The following ENTREP2 variants were observed in gnomAD, a reference collection of about 807,000 sequenced individuals.
ENTREP2 encodes protein ENTREP2.
At chr15:29,427,254 A>G in the ENTREP2 span, among the ~76,000 whole-genome samples, 1 of 152,130 alleles carries the variant, frequency 6.6e-6, no homozygotes, top group African/African-American at 2.4e-5. Context: ...AGTGAGAGCA[A>G]TGATTTCCTC....
chr15:29,573,259 A>G, the ENTREP2 span, among the ~76,000 whole-genome samples: 2 of 152,184 alleles, frequency 1.3e-5, no homozygotes, highest in Non-Finnish European at 2.9e-5. Flanking sequence ...TTTCGTTTGC[A>G]TCCAAAGGGA....
the ENTREP2 span, among the ~76,000 whole-genome samples, chr15:29,206,280 C>T: frequency 2.0e-5 from 3 of 152,142 alleles, no homozygotes; most frequent in South Asian, 6.2e-4. Flanking sequence ...TATAAAGGCA[C>T]TAACCCACTC....
chr15:29,571,118 G>GGGAGCC, the ENTREP2 span, among the ~76,000 whole-genome samples: 2 of 151,400 alleles, frequency 1.3e-5, no homozygotes, highest in Non-Finnish European at 3.0e-5. Flanking sequence ...GGGCGGGAGC[G>GGGAGCC]GGAGCCGGGA....
the ENTREP2 span, among the ~76,000 whole-genome samples, chr15:29,127,007 G>A: frequency 2.0e-5 from 3 of 152,178 alleles, no homozygotes; most frequent in South Asian, 2.1e-4. Context: ...CAGCAGCCTT[G>A]CCCTGGGAAC....
At chr15:29,173,128 G>A in the ENTREP2 span, among the ~76,000 whole-genome samples, 498 of 152,156 alleles carry the variant, frequency 3.3e-3, 3 homozygotes, top group African/African-American at 0.011. Context: ...CCAGTCCCCC[G>A]CCCAGGGAAG....
chr15:29,241,459 A>G, the ENTREP2 span, among the ~76,000 whole-genome samples: 1 of 152,206 alleles, frequency 6.6e-6, no homozygotes, highest in African/African-American at 2.4e-5. Flanking sequence ...TCATAAAGCA[A>G]TTGCCTGTGT....
chr15:29,526,061 T>A, the ENTREP2 span, among the ~76,000 whole-genome samples: 1 of 152,204 alleles, frequency 6.6e-6, no homozygotes, highest in East Asian at 1.9e-4. Flanking sequence ...AGATTTAATA[T>A]GCTATGGCAG....
the ENTREP2 span, among the ~76,000 whole-genome samples, chr15:29,478,270 G>T: frequency 4.0e-5 from 6 of 151,792 alleles, no homozygotes; most frequent in Non-Finnish European, 7.4e-5. Flanking sequence ...CTCGTGATCC[G>T]CCTGCCTTGG....
chr15:29,258,226 A>G, the ENTREP2 span, among the ~76,000 whole-genome samples: 58 of 136,168 alleles, frequency 4.3e-4, no homozygotes, highest in Non-Finnish European at 6.0e-4. Flanking sequence ...AAAAAAAAAA[A>G]AAAAAAAGAA....
chr15:29,425,085 G>A, the ENTREP2 span, among the ~76,000 whole-genome samples: 5 of 152,096 alleles, frequency 3.3e-5, no homozygotes, highest in South Asian at 2.1e-4. Flanking sequence ...CTGGAGTGCA[G>A]TGGCATGATC....
At chr15:29,201,412 T>C in the ENTREP2 span, among the ~76,000 whole-genome samples, 1 of 152,246 alleles carries the variant, frequency 6.6e-6, no homozygotes, top group South Asian at 2.1e-4. Flanking sequence ...GTAGGTCTTT[T>C]GTAGATGCTC....
chr15:29,259,481 G>C, the ENTREP2 span, among the ~76,000 whole-genome samples: 1 of 152,168 alleles, frequency 6.6e-6, no homozygotes, highest in Non-Finnish European at 1.5e-5. Flanking sequence ...AGTTCCAGCC[G>C]ACACTTGAAG....
the ENTREP2 span, among the ~76,000 whole-genome samples, chr15:29,571,966 G>C: frequency 6.6e-6 from 1 of 152,168 alleles, no homozygotes; most frequent in East Asian, 1.9e-4. Flanking sequence ...CCATTCTTCC[G>C]TGTCTTTCTA....
chr15:29,466,471 C>G, the ENTREP2 span, among the ~76,000 whole-genome samples: 1 of 144,854 alleles, frequency 6.9e-6, no homozygotes. Context: ...CTGATGGCCC[C>G]AGGGGAGGGT....
chr15:29,570,615 C>T, the ENTREP2 span: 5 of 1,446,040 alleles, frequency 3.5e-6, no homozygotes, highest in Non-Finnish European at 4.5e-6. Flanking sequence ...ATCTGCGTGG[C>T]CCCGAGCGCC....
the ENTREP2 span, among the ~76,000 whole-genome samples, chr15:29,438,662 T>A: frequency 2.0e-5 from 3 of 152,142 alleles, no homozygotes; most frequent in South Asian, 6.2e-4. Flanking sequence ...TGACCTTCTA[T>A]CCCCAGTCTC....
chr15:29,388,481 G>A, the ENTREP2 span, among the ~76,000 whole-genome samples: 3 of 152,172 alleles, frequency 2.0e-5, no homozygotes, highest in Admixed American at 6.5e-5. Context: ...GTGCCGGAGA[G>A]GACGTAGAGA....
chr15:29,649,948 A>G, the ENTREP2 span, among the ~76,000 whole-genome samples: 1 of 152,060 alleles, frequency 6.6e-6, no homozygotes, highest in African/African-American at 2.4e-5. Flanking sequence ...TGGTAACTAG[A>G]GATGTGAAAG....
At chr15:29,618,500 C>T in the ENTREP2 span, among the ~76,000 whole-genome samples, 12 of 152,096 alleles carry the variant, frequency 7.9e-5, no homozygotes, top group Admixed American at 5.2e-4. Context: ...CTTTCCCTCC[C>T]GTGAGCCTCT....
Sources: allele counts gnomAD v4.1 joint callset (sites outside exome capture counted in the v4.1 genomes callset), GRCh38; gene constraint gnomAD v4.1.1; transcripts MANE v1.5; gene names NCBI Gene and HGNC (gene_info 2026-07-23, HGNC 2026-07-21).